Variants in SLC60A2 observed in about 807,000 individuals in gnomAD.
SLC60A2 encodes solute carrier family 60 member 2, also known as major facilitator superfamily domain containing 4B.
the SLC60A2 span, chr6:111,263,872 C>T: frequency 1.2e-6 from 2 of 1,612,134 alleles, no homozygotes; most frequent in Non-Finnish European, 8.5e-7. Context: ...TATCTTGTTC[C>T]TTTTTGCAAG....
At chr6:111,264,214 C>CT in the SLC60A2 span, among the ~76,000 whole-genome samples, 1 of 152,286 alleles carries the variant, frequency 6.6e-6, no homozygotes, top group African/African-American at 2.4e-5. Flanking sequence ...GGAAGGGCCC[C>CT]TGTGTGGGTA....
At chr6:111,268,127 T>C in the SLC60A2 span, 3 of 152,370 alleles carry the variant, frequency 2.0e-5, no homozygotes, top group Admixed American at 2.0e-4. Flanking sequence ...TGACAGCATG[T>C]TCTTCATTTC....
At chr6:111,262,263 A>G in the SLC60A2 span, 1 of 1,611,076 alleles carries the variant, frequency 6.2e-7, no homozygotes, top group Non-Finnish European at 8.5e-7. Flanking sequence ...TTAGGGATTG[A>G]GTGTTGCTAT....
the SLC60A2 span, chr6:111,268,318 C>T: frequency 3.1e-4 from 47 of 151,920 alleles, no homozygotes; most frequent in African/African-American, 1.1e-3. Flanking sequence ...ATACTGTTAA[C>T]ATATCTGAAA....
chr6:111,270,881 A>C, the SLC60A2 span: 1 of 151,792 alleles, frequency 6.6e-6, no homozygotes, highest in Non-Finnish European at 1.5e-5. Context: ...TGAGCTGGGG[A>C]AAAAAGCTTC....
At chr6:111,265,864 T>C in the SLC60A2 span, 1 of 1,560,904 alleles carries the variant, frequency 6.4e-7, no homozygotes, top group Non-Finnish European at 8.6e-7. Context: ...TTTTCCCATC[T>C]TTCATCGACA....
chr6:111,266,406 AG>A, the SLC60A2 span: 6 of 1,614,080 alleles, frequency 3.7e-6, no homozygotes, highest in Non-Finnish European at 5.1e-6. Context: ...TGCAGCCTGC[AG>A]GGGCCTGGCA....
the SLC60A2 span, among the ~76,000 whole-genome samples, chr6:111,273,547 G>C: frequency 2.0e-5 from 3 of 148,554 alleles, no homozygotes; most frequent in Non-Finnish European, 4.4e-5. Flanking sequence ...AGAATGTGCT[G>C]ATGAGAAGAA....
At chr6:111,279,794 G>T in the SLC60A2 span, among the ~76,000 whole-genome samples, 4 of 152,084 alleles carry the variant, frequency 2.6e-5, no homozygotes, top group African/African-American at 9.7e-5. Context: ...ACTCACCTAG[G>T]CTGGGCGTGG....
chr6:111,261,668 A>G, the SLC60A2 span, among the ~76,000 whole-genome samples: 1 of 151,928 alleles, frequency 6.6e-6, no homozygotes, highest in African/African-American at 2.4e-5. Context: ...GTCTCGGCTC[A>G]CTGCAACCTC....
At chr6:111,263,845 C>T in the SLC60A2 span, 17 of 1,598,826 alleles carry the variant, frequency 1.1e-5, no homozygotes, top group Non-Finnish European at 1.5e-5. Flanking sequence ...TCAATGTCGG[C>T]TACCACCGTT....
the SLC60A2 span, chr6:111,277,922 C>T: frequency 6.6e-6 from 1 of 152,270 alleles, no homozygotes; most frequent in East Asian, 1.9e-4. Context: ...CAAACTAGAT[C>T]TTGGATTACA....
chr6:111,275,216 T>C, the SLC60A2 span, among the ~76,000 whole-genome samples: 1 of 152,210 alleles, frequency 6.6e-6, no homozygotes, highest in Admixed American at 6.5e-5. Context: ...TCTGTGACTA[T>C]TCTTATATAT....
At chr6:111,270,278 CA>C in the SLC60A2 span, 1 of 152,168 alleles carries the variant, frequency 6.6e-6, no homozygotes, top group Non-Finnish European at 1.5e-5. Flanking sequence ...TGAGTTCCAA[CA>C]AAACTCAAGG....
chr6:111,264,970 G>A, the SLC60A2 span, among the ~76,000 whole-genome samples: 1 of 152,086 alleles, frequency 6.6e-6, no homozygotes, highest in Non-Finnish European at 1.5e-5. Context: ...GCGCGTGCCT[G>A]TAATCCCAGC....
At chr6:111,267,069 G>A in the SLC60A2 span, 3 of 1,613,660 alleles carry the variant, frequency 1.9e-6, no homozygotes, top group South Asian at 1.1e-5. Flanking sequence ...TACTGGCAGT[G>A]CCCATGTGAA....
At chr6:111,275,110 G>T in the SLC60A2 span, among the ~76,000 whole-genome samples, 1 of 150,692 alleles carries the variant, frequency 6.6e-6, no homozygotes, top group South Asian at 2.1e-4. Context: ...TCAGAGACAG[G>T]GTCTCATTTC....
the SLC60A2 span, chr6:111,271,173 A>G: frequency 6.7e-6 from 1 of 149,856 alleles, no homozygotes; most frequent in South Asian, 2.1e-4. Flanking sequence ...ATCTCAAAAA[A>G]AAAAAAAAAA....
chr6:111,278,662 G>A, the SLC60A2 span: 1 of 152,356 alleles, frequency 6.6e-6, no homozygotes, highest in African/African-American at 2.4e-5. Flanking sequence ...GATGTGATTT[G>A]CTGCTCCTTG....
Sources: gnomAD v4.1 joint callset for allele counts (sites outside exome capture counted in the v4.1 genomes callset) on GRCh38, gnomAD v4.1.1 for gene constraint, MANE v1.5 for transcripts, NCBI Gene and HGNC (gene_info 2026-07-23, HGNC 2026-07-21) for gene names.